The following RASGEF1C variants were observed in gnomAD, a reference collection of about 807,000 sequenced individuals.
RASGEF1C encodes the protein ras-GEF domain-containing family member 1C.
Under a neutral mutation model 58.1 loss-of-function variants are expected in RASGEF1C, and 27 were observed. That is an observed-to-expected ratio of 0.46 (90% CI 0.34 to 0.64). The LOEUF (loss-of-function observed/expected upper bound fraction) is 0.64. RASGEF1C is among the 30% of genes least tolerant of loss of function. RASGEF1C has a pLI of 0.01. For missense variants in RASGEF1C, 502 were observed against 605.1 expected, an observed-to-expected ratio of 0.83 and a Z score of 1.79; for synonymous variants, 243 against 246.3, an observed-to-expected ratio of 0.99 and a Z score of 0.13.
At chr5:180,122,964 A>G (rs951673391) in intron 6 of RASGEF1C, among the ~76,000 whole-genome samples, 1 of 152,176 alleles carries the variant, frequency 6.6e-6, no homozygotes, top group Non-Finnish European at 1.5e-5. Context: ...ACAACACTGT[A>G]ATTAACAAAT....
At chr5:180,125,483 A>T (rs943175020) in intron 6 of RASGEF1C, among the ~76,000 whole-genome samples, 1 of 152,242 alleles carries the variant, frequency 6.6e-6, no homozygotes, top group African/African-American at 2.4e-5. Flanking sequence ...GGTGCAAGTT[A>T]GCACAATAAG....
chr5:180,157,085 C>T (rs561197751), intron 1 of RASGEF1C, among the ~76,000 whole-genome samples: 25 of 152,212 alleles, frequency 1.6e-4, no homozygotes, highest in Non-Finnish European at 2.1e-4. Flanking sequence ...ACAGTACAGG[C>T]GCTTTGCAAT....
intron 1 of RASGEF1C, among the ~76,000 whole-genome samples, chr5:180,206,710 A>C (rs1756495094): frequency 6.6e-6 from 1 of 152,264 alleles, no homozygotes. Flanking sequence ...TAATTTGAAT[A>C]AACAATAATA....
chr5:180,114,832 T>A (rs150141667), intron 10 of RASGEF1C, among the ~76,000 whole-genome samples: 193 of 152,332 alleles, frequency 1.3e-3, no homozygotes, highest in African/African-American at 4.2e-3. Flanking sequence ...GGGTAAGAGA[T>A]GCACAGTCAC....
At chr5:180,144,302 A>G (rs1011347655) in intron 1 of RASGEF1C, among the ~76,000 whole-genome samples, 1 of 152,138 alleles carries the variant, frequency 6.6e-6, no homozygotes, top group African/African-American at 2.4e-5. Flanking sequence ...CCACGTCCCA[A>G]CAGCTGCTGG....
chr5:180,106,470 A>G (rs930724070), intron 12 of RASGEF1C, among the ~76,000 whole-genome samples: 4 of 151,920 alleles, frequency 2.6e-5, no homozygotes, highest in African/African-American at 9.7e-5. Flanking sequence ...TACAAATTTG[A>G]TTGTATTTTC....
rs566943176 is a variant in RASGEF1C at position 180,133,067 on chromosome 5, C to A, written c.438+3311G>T. ...CGGCCCAGTGGGTATGGCCAGAGCA[C>A]TGGGGTCCTCCCTGGCTCCCTGAGC... is the stretch of plus-strand genomic sequence containing the variant. On this transcript the variant is annotated intron_variant, in intron 4 of 13. Transcript: ENST00000361132. Among the ~76,000 whole-genome samples, 13 of 152,172 alleles carry A rather than the reference C, an allele frequency of 8.5e-5. No individual in the cohort carries two copies. In the East Asian group the frequency reaches 2.5e-3, roughly 29 times the overall value.
At chr5:180,118,901 C>T in intron 8 of RASGEF1C, 35 bp from the exon 9 acceptor site, 1 of 1,599,356 alleles carries the variant, frequency 6.3e-7, no homozygotes, top group Non-Finnish European at 8.6e-7. Flanking sequence ...AGGGCTGCTC[C>T]TGGGACAGGG....
chr5:180,166,000 C>T (rs1001243823), intron 1 of RASGEF1C, among the ~76,000 whole-genome samples: 2 of 151,924 alleles, frequency 1.3e-5, no homozygotes, highest in Non-Finnish European at 2.9e-5. Flanking sequence ...CTGCCCGCCT[C>T]GGCTTCCTAA....
intron 1 of RASGEF1C, among the ~76,000 whole-genome samples, chr5:180,206,190 G>C (rs1471844036): frequency 6.6e-6 from 1 of 152,172 alleles, no homozygotes; most frequent in Non-Finnish European, 1.5e-5. Flanking sequence ...CAGATCACTG[G>C]AGGAAAGATG....
intron 1 of RASGEF1C, among the ~76,000 whole-genome samples, chr5:180,149,756 G>A (rs1185755298): frequency 1.3e-5 from 2 of 152,162 alleles, no homozygotes; most frequent in East Asian, 1.9e-4. Flanking sequence ...GCCCAGCCGA[G>A]GACCCCTTTT....
At chr5:180,118,567 T>TC in intron 10 of RASGEF1C, 42 bp downstream of exon 10, 1 of 1,528,204 alleles carries the variant, frequency 6.5e-7, no homozygotes, top group Non-Finnish European at 8.9e-7. Context: ...GCACCCAGGT[T>TC]CCCTGCTGCA....
chr5:180,146,145 C>T (rs994829201), intron 1 of RASGEF1C, among the ~76,000 whole-genome samples: 1 of 151,968 alleles, frequency 6.6e-6, no homozygotes, highest in African/African-American at 2.4e-5. Flanking sequence ...ATGAAGCTTT[C>T]CCCCAATGTT....
At chr5:180,166,186 G>A (rs190608582) in intron 1 of RASGEF1C, among the ~76,000 whole-genome samples, 95 of 152,192 alleles carry the variant, frequency 6.2e-4, no homozygotes, top group Non-Finnish European at 1.3e-3. Flanking sequence ...TTGCCACCCC[G>A]TAGGCATTAA....
At chr5:180,106,973 T>C (rs1765882677) in intron 12 of RASGEF1C, among the ~76,000 whole-genome samples, 1 of 152,206 alleles carries the variant, frequency 6.6e-6, no homozygotes, top group South Asian at 2.1e-4. Flanking sequence ...ATAGTTAGGA[T>C]TGCTATATCT....
At chr5:180,152,152 T>A (rs572021820) in intron 1 of RASGEF1C, among the ~76,000 whole-genome samples, 119 of 152,020 alleles carry the variant, frequency 7.8e-4, no homozygotes, top group Non-Finnish European at 1.0e-3. Flanking sequence ...ATTGTGGAAG[T>A]CAGTGTGGCG....
At chr5:180,159,992 G>A (rs577417677) in intron 1 of RASGEF1C, among the ~76,000 whole-genome samples, 8 of 152,186 alleles carry the variant, frequency 5.3e-5, no homozygotes, top group Middle Eastern at 3.2e-3. Context: ...AGCTGCACTC[G>A]AAGTTAGCCC....
At position 180,102,064 on chromosome 5, in the gene RASGEF1C, G is replaced by A. The variant is rs377310313; in HGVS notation, c.1376+7C>T. 9.2e-5 allele frequency: 143 copies of A among 1,555,062 alleles called. No individual in the cohort carries two copies. Among genetic ancestry groups the A allele is most frequent in the Middle Eastern group, 6.7e-4 (4 of 5,998 alleles). On this transcript the variant is annotated splice_region_variant and intron_variant, in intron 13 of 13. Transcript: ENST00000361132. ...CCCCCAGGCCCCACCTTGGCAGGAA[G>A]ACTCACCTTAGAGCTTTCCATCTTT... is the stretch of plus-strand genomic sequence containing the variant.
intron 1 of RASGEF1C, among the ~76,000 whole-genome samples, chr5:180,141,600 AT>A (rs1273756279): frequency 1.3e-5 from 2 of 152,110 alleles, no homozygotes; most frequent in Non-Finnish European, 2.9e-5. Context: ...AGAAGAAAAG[AT>A]TTCTGGAGAG....
Sources: gnomAD v4.1 joint callset for allele counts (sites outside exome capture counted in the v4.1 genomes callset) on GRCh38, gnomAD v4.1.1 for gene constraint, MANE v1.5 for transcripts, NCBI Gene and HGNC (gene_info 2026-07-23, HGNC 2026-07-21) for gene names.